Variants in SORCS2 observed in about 807,000 individuals in gnomAD.
SORCS2 encodes sortilin related VPS10 domain containing receptor 2, also known as VPS10 domain-containing receptor SorCS2.
Under a neutral mutation model 141.6 loss-of-function variants are expected in SORCS2, and 100 were observed. The ratio of observed to expected loss-of-function variants is 0.71; its 90% CI spans 0.60 to 0.83. The LOEUF is 0.83. Ranked by LOEUF, SORCS2 falls within the 40% of genes least tolerant of loss-of-function variation. The pLI, the probability that SORCS2 is intolerant of heterozygous loss-of-function variation, is 0.00. For missense variants in SORCS2, 1,646 were observed against 1,560.2 expected, an observed-to-expected ratio of 1.05 and a Z score of -0.93; for synonymous variants, 789 against 676.9, an observed-to-expected ratio of 1.17 and a Z score of -2.57.
chr4:7,719,690 A>G (rs1726447253), intron 18 of SORCS2, among the ~76,000 whole-genome samples: 1 of 152,160 alleles, frequency 6.6e-6, no homozygotes, highest in Admixed American at 6.5e-5. Context: ...GGACCCTCAG[A>G]GTAGACCCCG....
At chr4:7,414,938 G>A (rs576318615) in intron 2 of SORCS2, among the ~76,000 whole-genome samples, 2 of 142,020 alleles carry the variant, frequency 1.4e-5, no homozygotes, top group Non-Finnish European at 3.2e-5. Context: ...GTTGGGTGAG[G>A]AGCCCTTAGT....
chr4:7,515,999 G>T (rs1201212082), intron 2 of SORCS2, among the ~76,000 whole-genome samples: 1 of 152,208 alleles, frequency 6.6e-6, no homozygotes, highest in Non-Finnish European at 1.5e-5. Context: ...TCGCAGCAGG[G>T]TTTAGGGGCT....
intron 1 of SORCS2, among the ~76,000 whole-genome samples, chr4:7,291,661 G>C (rs896107018): frequency 6.6e-6 from 1 of 152,196 alleles, no homozygotes; most frequent in African/African-American, 2.4e-5. Context: ...GTGTGTGAAA[G>C]AGTCTCCGAG....
intron 14 of SORCS2, among the ~76,000 whole-genome samples, chr4:7,710,298 G>A (rs537765792): frequency 3.3e-5 from 5 of 152,286 alleles, no homozygotes; most frequent in Admixed American, 1.3e-4. Context: ...TGCCCTGGCC[G>A]GGTCCCTTGC....
intron 18 of SORCS2, among the ~76,000 whole-genome samples, chr4:7,718,782 A>G (rs1726372149): frequency 6.6e-6 from 1 of 152,236 alleles, no homozygotes; most frequent in Non-Finnish European, 1.5e-5. Flanking sequence ...TCATTGTAGA[A>G]CATTTGGAAA....
At chr4:7,303,810 T>G (rs1383299801) in intron 1 of SORCS2, among the ~76,000 whole-genome samples, 1 of 152,238 alleles carries the variant, frequency 6.6e-6, no homozygotes, top group African/African-American at 2.4e-5. Context: ...GGCGCGTCTC[T>G]GTCCGGCTGC....
intron 1 of SORCS2, among the ~76,000 whole-genome samples, chr4:7,310,764 T>C (rs938411213): frequency 6.6e-6 from 1 of 152,198 alleles, no homozygotes; most frequent in African/African-American, 2.4e-5. Flanking sequence ...GCTGCGAAGA[T>C]AGAATTGTAT....
chr4:7,260,670 T>C (rs1400407797), intron 1 of SORCS2, among the ~76,000 whole-genome samples: 5 of 151,072 alleles, frequency 3.3e-5, no homozygotes, highest in African/African-American at 1.2e-4. Flanking sequence ...ACACAGAGAG[T>C]TAAGGGGCAG....
chr4:7,591,519 G>T (rs1441641282), intron 3 of SORCS2, among the ~76,000 whole-genome samples: 1 of 152,216 alleles, frequency 6.6e-6, no homozygotes, highest in Middle Eastern at 3.2e-3. Context: ...CGAATGGGAA[G>T]TGTGGACTTT....
intron 1 of SORCS2, among the ~76,000 whole-genome samples, chr4:7,254,594 T>A (rs1191984917): frequency 1.3e-5 from 2 of 152,184 alleles, no homozygotes; most frequent in African/African-American, 4.8e-5. Context: ...ACACCCACTA[T>A]ACCATCTATG....
intron 1 of SORCS2, among the ~76,000 whole-genome samples, chr4:7,383,521 G>C (rs1030075238): frequency 6.6e-6 from 1 of 152,238 alleles, no homozygotes; most frequent in Non-Finnish European, 1.5e-5. Flanking sequence ...GGGAGGGGGA[G>C]AGCATTGGAG....
chr4:7,386,478 T>C (rs1386625168), intron 1 of SORCS2, among the ~76,000 whole-genome samples: 5 of 59,234 alleles, frequency 8.4e-5, no homozygotes, highest in Non-Finnish European at 9.6e-5. Flanking sequence ...TGCACACACA[T>C]ACACATTTGC....
At chr4:7,666,613 T>C (rs963625620) in intron 7 of SORCS2, among the ~76,000 whole-genome samples, 6 of 152,160 alleles carry the variant, frequency 3.9e-5, no homozygotes, top group Non-Finnish European at 8.8e-5. Context: ...ATATGTGGCC[T>C]CTGTAATCAG....
chr4:7,366,490 C>T (rs1302134063), intron 1 of SORCS2, among the ~76,000 whole-genome samples: 1 of 102,672 alleles, frequency 9.7e-6, no homozygotes. Flanking sequence ...CCTCTCTCCC[C>T]CAACACTCCT....
intron 1 of SORCS2, among the ~76,000 whole-genome samples, chr4:7,238,290 T>TGG (rs111273892): frequency 5.7e-4 from 86 of 151,636 alleles, no homozygotes; most frequent in Non-Finnish European, 8.0e-4. Context: ...AGAGGGAGTC[T>TGG]GGGGGGGGTT....
intron 3 of SORCS2, among the ~76,000 whole-genome samples, chr4:7,568,031 G>T (rs1715143451): frequency 6.6e-6 from 1 of 152,138 alleles, no homozygotes; most frequent in Non-Finnish European, 1.5e-5. Context: ...AGATGCTCCA[G>T]GCTCATCTGA....
At chr4:7,693,306 G>A (rs1198032164) in intron 11 of SORCS2, among the ~76,000 whole-genome samples, 1 of 152,164 alleles carries the variant, frequency 6.6e-6, no homozygotes, top group Non-Finnish European at 1.5e-5. Context: ...ACACCTTCGG[G>A]GATCCCAGCG....
chr4:7,618,195 T>A (rs1577847502), intron 3 of SORCS2, among the ~76,000 whole-genome samples: 1 of 151,974 alleles, frequency 6.6e-6, no homozygotes, highest in African/African-American at 2.4e-5. Context: ...AGTGGTCCCA[T>A]CCCCCTTCAC....
At chr4:7,723,066 G>A (rs976891367) in intron 18 of SORCS2, among the ~76,000 whole-genome samples, 2 of 152,138 alleles carry the variant, frequency 1.3e-5, no homozygotes, top group Admixed American at 1.3e-4. Flanking sequence ...TGCGGTTATT[G>A]GAAGGTGGAA....
Sources: allele counts gnomAD v4.1 joint callset (sites outside exome capture counted in the v4.1 genomes callset), GRCh38; gene constraint gnomAD v4.1.1; transcripts MANE v1.5; gene names NCBI Gene and HGNC (gene_info 2026-07-23, HGNC 2026-07-21).